AQP9: variants seen among roughly 807,000 people sequenced by gnomAD.
The protein encoded by AQP9 is aquaporin-9.
A neutral mutation model predicts 23.8 loss-of-function variants in AQP9; 19 were observed. That is an observed-to-expected ratio of 0.80 (90% CI 0.56 to 1.17). AQP9 has a LOEUF of 1.17. Among genes scored for constraint, AQP9 ranks in the 50% most tolerant of loss-of-function variants. The pLI is 0.00. For missense variants in AQP9, 413 were observed against 362.0 expected (o/e 1.14, Z -1.14); for synonymous variants, 153 against 131.5 (o/e 1.16, Z -1.12).
intron 5 of AQP9, among the ~76,000 whole-genome samples, chr15:58,180,306 G>C (rs1466239672): frequency 6.6e-6 from 1 of 152,166 alleles, no homozygotes; most frequent in Non-Finnish European, 1.5e-5. Context: ...CAAAGGACGT[G>C]AGTGTTCCCA....
At chr15:58,140,755 A>G (rs1370393791) in intron 1 of AQP9, among the ~76,000 whole-genome samples, 1 of 152,236 alleles carries the variant, frequency 6.6e-6, no homozygotes, top group Non-Finnish European at 1.5e-5. Context: ...AGTCTTTCAA[A>G]TATGTGAGAT....
intron 5 of AQP9, among the ~76,000 whole-genome samples, chr15:58,181,580 C>G (rs1322149462): frequency 2.0e-5 from 3 of 152,160 alleles, no homozygotes; most frequent in Non-Finnish European, 4.4e-5. Context: ...CACAAGTGAT[C>G]TAGTCTAGCT....
At chr15:58,164,331 C>A (rs1898451807) in intron 1 of AQP9, among the ~76,000 whole-genome samples, 3 of 152,200 alleles carry the variant, frequency 2.0e-5, no homozygotes, top group African/African-American at 7.2e-5. Context: ...TGGCCTCTCT[C>A]TTTTGCGTCT....
intron 1 of AQP9, chr15:58,155,268 C>T (rs1049637310): frequency 5.9e-5 from 9 of 152,176 alleles, no homozygotes; most frequent in African/African-American, 7.2e-5. Flanking sequence ...AAAGCTTATA[C>T]TATGGTTCAT....
intron 3 of AQP9, among the ~76,000 whole-genome samples, chr15:58,174,506 T>C (rs1227474530): frequency 2.0e-5 from 3 of 152,150 alleles, no homozygotes; most frequent in African/African-American, 2.4e-5. Context: ...ATCTTCAGTA[T>C]ACTGCAACAC....
At chr15:58,175,948 G>A (rs1053878371) in intron 4 of AQP9, among the ~76,000 whole-genome samples, 2 of 152,176 alleles carry the variant, frequency 1.3e-5, no homozygotes, top group Non-Finnish European at 2.9e-5. Flanking sequence ...AAAGACTGAC[G>A]AGTAAATGTG....
At position 58,185,416 on chromosome 15, in the gene AQP9, T is replaced by C. The variant is rs1371659169; in HGVS notation, c.*1281T>C. ...CAATCTTAAGATACAAAGACCCTCA[T>C]TGTCTGGGTCTATTCCCACACTTAC... On this transcript the variant is annotated 3_prime_UTR_variant, in exon 6 of 6. Transcript: ENST00000219919. 2 of 152,632 alleles carry C rather than the reference T, an allele frequency of 1.3e-5. No homozygotes were observed. Among genetic ancestry groups the C allele is most frequent in the East Asian group, 1.9e-4 (1 of 5,202 alleles). The allele number at this position is 152,632 out of a possible 1,614,324, so 9.5% of individuals were successfully genotyped here.
chr15:58,177,654 T>G (rs1443594421), intron 4 of AQP9, among the ~76,000 whole-genome samples: 1 of 152,226 alleles, frequency 6.6e-6, no homozygotes, highest in Non-Finnish European at 1.5e-5. Flanking sequence ...TACTCGAGTT[T>G]TCTTATCTAT....
At chr15:58,148,532 G>T (rs2140590383) in intron 1 of AQP9, among the ~76,000 whole-genome samples, 1 of 152,354 alleles carries the variant, frequency 6.6e-6, no homozygotes, top group Middle Eastern at 3.4e-3. Flanking sequence ...CCTTGGCACT[G>T]TTGGGCCCTG....
intron 1 of AQP9, among the ~76,000 whole-genome samples, chr15:58,139,385 C>T (rs1897913630): frequency 1.3e-5 from 2 of 152,168 alleles, no homozygotes; most frequent in Non-Finnish European, 2.9e-5. Context: ...CAGCTATTAA[C>T]AAGAGACTGG....
intron 2 of AQP9, among the ~76,000 whole-genome samples, chr15:58,169,355 G>C (rs537128013): frequency 6.6e-6 from 1 of 152,146 alleles, no homozygotes; most frequent in African/African-American, 2.4e-5. Flanking sequence ...TCTCTATTTG[G>C]AATCTAGCAC....
At chr15:58,165,567 G>A (rs1327784591) in intron 1 of AQP9, among the ~76,000 whole-genome samples, 1 of 152,138 alleles carries the variant, frequency 6.6e-6, no homozygotes, top group African/African-American at 2.4e-5. Flanking sequence ...TTGGCAGCAC[G>A]TTTTAGCACT....
Position 58,179,764 on chromosome 15 carries a change from T to C in AQP9, c.713+419T>C, listed in dbSNP as rs115533003. 1.5e-3 allele frequency among the ~76,000 whole-genome samples: 226 copies of C among 152,314 alleles called. 1 individual carries two copies. Among genetic ancestry groups the C allele is most frequent in the African/African-American group, 5.0e-3 (209 of 41,582 alleles). The stretch of plus-strand genomic sequence containing the variant: ...TGAACCACGCAACCTATGCTGCACT[T>C]ATTCCACAGATATTTGTTGGGCATT... On this transcript the variant is annotated intron_variant, in intron 5 of 5. Coordinates refer to ENST00000219919, the MANE Select transcript of AQP9 (RefSeq NM_020980.5).
intron 2 of AQP9, among the ~76,000 whole-genome samples, chr15:58,167,674 T>C (rs1191379562): frequency 6.6e-6 from 1 of 152,162 alleles, no homozygotes; most frequent in Non-Finnish European, 1.5e-5. Flanking sequence ...GCTCACATGA[T>C]CTGCATGACA....
chr15:58,160,568 T>C (rs1898355517), intron 1 of AQP9, among the ~76,000 whole-genome samples: 1 of 152,128 alleles, frequency 6.6e-6, no homozygotes, highest in African/African-American at 2.4e-5. Context: ...AGAATTAGGG[T>C]AATCACTCTG....
chr15:58,138,329 G>A (rs1397210619), upstream of AQP9: 5 of 373,216 alleles, frequency 1.3e-5, no homozygotes, highest in African/African-American at 6.2e-5. Context: ...TGGGGATTTC[G>A]GGTTCTAAGT....
rs1046495757 is a variant in AQP9 at position 58,143,852 on chromosome 15, A to G, written c.111+5176A>G. On this transcript the variant is annotated intron_variant, in intron 1 of 5. Transcript: ENST00000219919. ...GTTCACGAGTTTCTCTGGAGTATATACCTAGAAGAGGACCTGGTGGTCCTA... is the reference window on the plus strand; with the variant it reads ...GTTCACGAGTTTCTCTGGAGTATATGCCTAGAAGAGGACCTGGTGGTCCTA... 2.0e-5 allele frequency among the ~76,000 whole-genome samples: 3 copies of G among 152,270 alleles called. No homozygotes were observed. In the South Asian group the frequency reaches 6.2e-4, roughly 32 times the overall value.
intron 4 of AQP9, among the ~76,000 whole-genome samples, chr15:58,178,649 CT>C (rs1486265137): frequency 6.6e-6 from 1 of 152,218 alleles, no homozygotes; most frequent in African/African-American, 2.4e-5. Flanking sequence ...GTTTTTACCA[CT>C]GCTTTCCTAA....
At chr15:58,157,662 C>T (rs16939821) in intron 1 of AQP9, among the ~76,000 whole-genome samples, 7,246 of 152,116 alleles carry the variant, frequency 0.048, 299 homozygotes, top group African/African-American at 0.11. Flanking sequence ...TTGGAAGACA[C>T]TATGAGGAGA....
Sources: gnomAD v4.1 joint callset for allele counts (sites outside exome capture counted in the v4.1 genomes callset) on GRCh38, gnomAD v4.1.1 for gene constraint, MANE v1.5 for transcripts, NCBI Gene and HGNC (gene_info 2026-07-23, HGNC 2026-07-21) for gene names.